The following TMEM132C variants were observed in gnomAD, a reference collection of about 807,000 sequenced individuals.
TMEM132C encodes the protein protein phosphatase 1, regulatory subunit 152.
A neutral mutation model predicts 61.4 loss-of-function variants in TMEM132C; 29 were observed. The observed-to-expected ratio is 0.47, with a 90% CI of 0.35 to 0.64. TMEM132C has a LOEUF of 0.64. TMEM132C is among the 30% of genes least tolerant of loss of function. TMEM132C has a pLI of 0.00. For missense variants in TMEM132C, 1,408 were observed against 1,476.9 expected, an observed-to-expected ratio of 0.95 and a Z score of 0.76; for synonymous variants, 656 against 633.1, an observed-to-expected ratio of 1.04 and a Z score of -0.54.
In TMEM132C at chr12:128,693,839, G is replaced by T. The variant is rs374080693; in HGVS notation, c.1460G>T (p.Arg487Leu). Reference protein sequence around the residue: ...TDEDVIKVSERCDYIFVNGKE... With the variant: ...TDEDVIKVSELCDYIFVNGKE... ...CCTCTGTCTTTGCAGGTGTCTGAGC[G>T]CTGTGACTACATCTTTGTCAATGGC... Residue 487 changes from arginine to leucine, a missense_variant, in exon 6 of 9, where the codon CGC (arginine) becomes CTC (leucine). Transcript: ENST00000435159. The T allele has an allele frequency of 1.0e-5, 16 of 1,551,710 alleles. No homozygotes were observed. Among genetic ancestry groups the T allele is most frequent in the African/African-American group, 1.4e-5 (1 of 73,162 alleles).
intron 1 of TMEM132C, among the ~76,000 whole-genome samples, chr12:128,382,054 T>A (rs77455223): frequency 6.6e-6 from 1 of 151,594 alleles, no homozygotes; most frequent in Non-Finnish European, 1.5e-5. Flanking sequence ...TTTTTTTTTT[T>A]AGGTACACAA....
intron 4 of TMEM132C, among the ~76,000 whole-genome samples, chr12:128,622,565 T>TAA (rs1169572684): frequency 6.6e-6 from 1 of 151,344 alleles, no homozygotes; most frequent in East Asian, 2.0e-4. Context: ...CTGCCCTTGC[T>TAA]AAATTCAGAG....
intron 1 of TMEM132C, among the ~76,000 whole-genome samples, chr12:128,293,237 T>TA (rs1244502716): frequency 6.6e-6 from 1 of 152,182 alleles, no homozygotes; most frequent in Non-Finnish European, 1.5e-5. Flanking sequence ...CCAAATAACT[T>TA]AATTCCCTAA....
intron 2 of TMEM132C, among the ~76,000 whole-genome samples, chr12:128,446,242 C>T (rs891223059): frequency 1.1e-4 from 16 of 152,326 alleles, no homozygotes; most frequent in African/African-American, 3.6e-4. Flanking sequence ...GAAGAGCTAC[C>T]TCCTTCTGAG....
intron 3 of TMEM132C, among the ~76,000 whole-genome samples, chr12:128,547,640 A>G (rs1874005132): frequency 6.6e-6 from 1 of 152,094 alleles, no homozygotes; most frequent in Non-Finnish European, 1.5e-5. Flanking sequence ...GAGATGTGGA[A>G]GCTGCAACTG....
intron 1 of TMEM132C, among the ~76,000 whole-genome samples, chr12:128,387,089 C>A (rs978118844): frequency 7.2e-6 from 1 of 138,418 alleles, no homozygotes; most frequent in Admixed American, 8.3e-5. Flanking sequence ...TGCAGTGAGC[C>A]GTGAATGTAC....
intron 1 of TMEM132C, among the ~76,000 whole-genome samples, chr12:128,332,087 G>A (rs1872678921): frequency 6.6e-6 from 1 of 152,134 alleles, no homozygotes; most frequent in Non-Finnish European, 1.5e-5. Flanking sequence ...GATGCCACAT[G>A]TTTGCAAACA....
chr12:128,555,518 C>T (rs1488127514), intron 3 of TMEM132C, among the ~76,000 whole-genome samples: 1 of 152,178 alleles, frequency 6.6e-6, no homozygotes, highest in Non-Finnish European at 1.5e-5. Flanking sequence ...ACACGCAAAA[C>T]TTATAGCAGG....
chr12:128,648,034 TGTGA>T (rs1406703905), intron 4 of TMEM132C, among the ~76,000 whole-genome samples: 4 of 145,498 alleles, frequency 2.7e-5, no homozygotes, highest in African/African-American at 1.1e-4. Flanking sequence ...CAGCATTGGA[TGTGA>T]GTGTGTTTAC....
At chr12:128,323,063 A>G (rs1386688312) in intron 1 of TMEM132C, among the ~76,000 whole-genome samples, 1 of 152,246 alleles carries the variant, frequency 6.6e-6, no homozygotes, top group South Asian at 2.1e-4. Flanking sequence ...CTGGTGGAGC[A>G]GGACTGAATT....
intron 1 of TMEM132C, among the ~76,000 whole-genome samples, chr12:128,381,693 C>G (rs2135991420): frequency 6.6e-6 from 1 of 152,276 alleles, no homozygotes. Context: ...GGAGCTGTCC[C>G]AGCTGGGAGG....
Position 128,465,343 on chromosome 12 carries a change from C to T in TMEM132C, c.974+49723C>T, listed in dbSNP as rs572127897. On this transcript the variant is annotated intron_variant, in intron 2 of 8. Coordinates refer to ENST00000435159, the MANE Select transcript of TMEM132C (RefSeq NM_001136103.3). ...CCTCCCGAGTAGCTGGGATTAAAGA[C>T]GCCTGCCACCACGCCCAGCTAATTT... 1.5e-3 allele frequency among the ~76,000 whole-genome samples: 229 copies of T among 151,964 alleles called. 1 individual carries two copies. Among genetic ancestry groups the T allele is most frequent in the South Asian group, 5.0e-3 (24 of 4,816 alleles).
chr12:128,563,266 G>A (rs1231858660), intron 3 of TMEM132C, among the ~76,000 whole-genome samples: 1 of 152,216 alleles, frequency 6.6e-6, no homozygotes, highest in Non-Finnish European at 1.5e-5. Context: ...TCCAACATGA[G>A]TCCTCTGAAG....
At chr12:128,267,585 G>T in intron 1 of TMEM132C, 98 bp downstream of exon 1, 1 of 982,432 alleles carries the variant, frequency 1.0e-6, no homozygotes, top group Non-Finnish European at 1.3e-6. Flanking sequence ...GGTGCGGCGG[G>T]GGCCTCGGCG....
chr12:128,581,228 C>T (rs982860355), intron 3 of TMEM132C, among the ~76,000 whole-genome samples: 5 of 151,698 alleles, frequency 3.3e-5, no homozygotes, highest in South Asian at 2.1e-4. Context: ...CATATCAAAA[C>T]GCTGTTGGAA....
At chr12:128,635,367 A>G (rs1294912858) in intron 4 of TMEM132C, among the ~76,000 whole-genome samples, 1 of 152,218 alleles carries the variant, frequency 6.6e-6, no homozygotes, top group Non-Finnish European at 1.5e-5. Context: ...TTCATTTTCA[A>G]GAACCTTAGG....
At chr12:128,626,631 G>T (rs909014422) in intron 4 of TMEM132C, among the ~76,000 whole-genome samples, 2 of 150,896 alleles carry the variant, frequency 1.3e-5, no homozygotes, top group Non-Finnish European at 2.9e-5. Flanking sequence ...TTTTAACAGA[G>T]ACAAGGTTTC....
intron 1 of TMEM132C, among the ~76,000 whole-genome samples, chr12:128,374,951 G>C (rs929771211): frequency 5.7e-5 from 7 of 123,294 alleles, no homozygotes; most frequent in Non-Finnish European, 1.0e-4. Context: ...CTGCAGGATA[G>C]AGACAGAAAT....
At chr12:128,424,830 G>A (rs1315245655) in intron 2 of TMEM132C, among the ~76,000 whole-genome samples, 1 of 152,180 alleles carries the variant, frequency 6.6e-6, no homozygotes, top group Admixed American at 6.5e-5. Flanking sequence ...TTATTCTACA[G>A]ATGGTTTTTC....
Sources: allele counts gnomAD v4.1 joint callset (sites outside exome capture counted in the v4.1 genomes callset), GRCh38; gene constraint gnomAD v4.1.1; transcripts MANE v1.5; gene names NCBI Gene and HGNC (gene_info 2026-07-23, HGNC 2026-07-21).